PMS2: variants seen among roughly 807,000 people sequenced by gnomAD.
The protein encoded by PMS2 is mismatch repair endonuclease PMS2.
PMS2 carries 69 observed loss-of-function variants against 90.0 expected under a neutral mutation model. The observed-to-expected ratio is 0.77, with a 90% confidence interval of 0.63 to 0.94. The LOEUF is 0.94. PMS2 is among the 40% of genes least tolerant of loss of function. The pLI, the probability that PMS2 is intolerant of heterozygous loss-of-function variation, is 0.00. For missense variants in PMS2, 966 were observed against 1,040.2 expected, an observed-to-expected ratio of 0.93 and a Z score of 0.98; for synonymous variants, 332 against 375.1, an observed-to-expected ratio of 0.89 and a Z score of 1.33.
chr7:5,990,572 C>T (rs1783627364), intron 9 of PMS2, among the ~76,000 whole-genome samples: 1 of 152,204 alleles, frequency 6.6e-6, no homozygotes, highest in Non-Finnish European at 1.5e-5. Flanking sequence ...TAATCCCCTA[C>T]TGAATTTAGC....
intron 10 of PMS2, among the ~76,000 whole-genome samples, chr7:5,988,126 T>TA (rs1348344707): frequency 1.4e-5 from 2 of 144,520 alleles, no homozygotes; most frequent in Non-Finnish European, 3.0e-5. Flanking sequence ...ATGGTAAAAT[T>TA]AAAAAAACAA....
At chr7:5,977,788 T>C (rs905073674) in intron 13 of PMS2, 31 bp from the exon 14 acceptor site, 1 of 1,582,706 alleles carries the variant, frequency 6.3e-7, no homozygotes, top group Non-Finnish European at 8.7e-7. Flanking sequence ...GAAAAATCCA[T>C]GACTTGACAA....
chr7:5,996,979 C>T, intron 7 of PMS2, among the ~76,000 whole-genome samples: 1 of 152,058 alleles, frequency 6.6e-6, no homozygotes, highest in Non-Finnish European at 1.5e-5. Context: ...CTTTGGGACA[C>T]CAAGGTGGGC....
intron 8 of PMS2, among the ~76,000 whole-genome samples, chr7:5,994,165 G>A (rs1446511349): frequency 2.0e-5 from 3 of 151,708 alleles, no homozygotes; most frequent in South Asian, 2.1e-4. Flanking sequence ...GGCAGATCAC[G>A]AGGTCAGGAT....
chr7:5,999,325 G>C (rs1322632348), intron 5 of PMS2, 50 bp from the exon 6 acceptor site: 1 of 1,494,074 alleles, frequency 6.7e-7, no homozygotes, highest in Non-Finnish European at 9.3e-7. Context: ...AATATTATAG[G>C]AATTACACAG....
chr7:5,995,434 A>T (rs12534423), intron 8 of PMS2, 100 bp downstream of exon 8: 1 of 760,198 alleles, frequency 1.3e-6, no homozygotes, highest in East Asian at 2.6e-5. Context: ...ATGTTTCTCA[A>T]AGTCCCGAGC....
chr7:5,977,752 C>G lies in PMS2; in HGVS notation c.2281G>C (p.Val761Leu), dbSNP rs201914670. The stretch of plus-strand genomic sequence containing the variant: ...GAAATCAGTTTAGCCCTTTCAGTGA[C>G]TGGAGCTAAAAGAATACAATTTTGA... ...FDFVIDENAP[V>L]TERAKLISLP... The change falls in exon 14 of 15, where the codon GTC becomes CTC. Residue 761 changes from valine (V) to leucine (L), a missense_variant. Val to Leu is a conservative substitution (Grantham distance 32). This residue lies in a region of PMS2 where 95 missense variants were observed against 237.8 expected (regional missense o/e 0.40). Coordinates refer to ENST00000265849, the MANE Select transcript of PMS2 (RefSeq NM_000535.7). 1.6e-5 allele frequency: 25 copies of G among 1,605,366 alleles called. 1 individual carries two copies. Among genetic ancestry groups the G allele is most frequent in the Non-Finnish European group, 2.0e-5 (23 of 1,174,056 alleles).
intron 11 of PMS2, among the ~76,000 whole-genome samples, chr7:5,985,479 C>T (rs1363019122): frequency 1.3e-5 from 2 of 151,578 alleles, no homozygotes; most frequent in Non-Finnish European, 2.9e-5. Flanking sequence ...CTAAGAAATA[C>T]AGGAATGGAA....
intron 9 of PMS2, among the ~76,000 whole-genome samples, chr7:5,991,749 G>C (rs1405774006): frequency 5.3e-5 from 8 of 151,956 alleles, no homozygotes; most frequent in Non-Finnish European, 1.0e-4. Context: ...TGAGTCAGGA[G>C]AATCGCTTGA....
Position 6,008,994 on chromosome 7 carries a change from C to T in PMS2, c.23+3G>A. On this transcript the variant is annotated splice_donor_region_variant and intron_variant, in intron 1 of 14. Coordinates refer to ENST00000265849, the MANE Select transcript of PMS2 (RefSeq NM_000535.7). ...ACACCGGAAGACTGCGAGCCCCGCT[C>T]ACCTCGAGCTCTCAGCTCGCTCCAT... 1 of 1,612,690 alleles carries T rather than the reference C, an allele frequency of 6.2e-7. No homozygotes were observed. The highest frequency in any genetic ancestry group is 1.3e-5 in the African/African-American group (1 of 75,028).
In PMS2 at chr7:5,986,843, C is replaced by A. The variant is rs1554297114; in HGVS notation, c.1922G>T (p.Gly641Val). Residue 641 changes from glycine (G) to valine (V), a missense_variant, in exon 11 of 15, where the codon GGG becomes GTG. This residue lies in a region of PMS2 where 871 missense variants were observed against 802.4 expected (regional missense o/e 1.09). Transcript: ENST00000265849. ...QLHHEAQQSE[G>V]EQNYRKFRAK... ...CCTAAACTTCCTGTAATTCTGTTCCCCTTCACTTTGCTGTGCTTCATGATG... is the reference window on the plus strand; with the variant it reads ...CCTAAACTTCCTGTAATTCTGTTCCACTTCACTTTGCTGTGCTTCATGATG... 1 of 1,613,800 alleles carries A rather than the reference C, an allele frequency of 6.2e-7. No individual in the cohort carries two copies. The highest frequency in any genetic ancestry group is 1.7e-5 in the Admixed American group (1 of 59,970).
intron 12 of PMS2, among the ~76,000 whole-genome samples, chr7:5,981,373 T>A (rs1162140024): frequency 1.3e-5 from 2 of 149,934 alleles, no homozygotes; most frequent in East Asian, 4.0e-4. Flanking sequence ...GCCTCCCGAA[T>A]AGCTGGGACC....
intron 1 of PMS2, among the ~76,000 whole-genome samples, chr7:6,008,440 C>T (rs572950675): frequency 2.0e-5 from 3 of 152,106 alleles, no homozygotes; most frequent in Admixed American, 2.0e-4. Context: ...GCTCTACCGT[C>T]CCCAAAATAA....
At chr7:5,976,832 G>A (rs1781715928) in intron 14 of PMS2, among the ~76,000 whole-genome samples, 1 of 130,506 alleles carries the variant, frequency 7.7e-6, no homozygotes, top group Admixed American at 8.0e-5. Context: ...ACTTTGGGAG[G>A]CTGAGACAAG....
At chr7:5,993,913 T>G (rs1038777406) in intron 8 of PMS2, among the ~76,000 whole-genome samples, 20 of 144,488 alleles carry the variant, frequency 1.4e-4, no homozygotes, top group Non-Finnish European at 2.6e-4. Flanking sequence ...ATGTAATCAG[T>G]CTATACTGAA....
At chr7:6,000,656 T>A (rs1205076091) in intron 5 of PMS2, among the ~76,000 whole-genome samples, 1 of 152,164 alleles carries the variant, frequency 6.6e-6, no homozygotes, top group African/African-American at 2.4e-5. Context: ...GTAAGTTTTC[T>A]CTACTTTAGA....
chr7:5,992,332 T>A (rs183733526), intron 8 of PMS2, among the ~76,000 whole-genome samples: 1 of 151,440 alleles, frequency 6.6e-6, no homozygotes, highest in Non-Finnish European at 1.5e-5. Context: ...TTTTCTTTTT[T>A]TTTTTCAACG....
In PMS2 at chr7:5,986,976, T is replaced by C. The variant is rs1805318; in HGVS notation, c.1789A>G (p.Thr597Ala). 1.2e-6 allele frequency: 2 copies of C among 1,614,024 alleles called. No homozygotes were observed. Among genetic ancestry groups the C allele is most frequent in the African/African-American group, 2.7e-5 (2 of 74,946 alleles). Residue 597 changes from threonine (T) to alanine (A), a missense_variant, in exon 11 of 15, where the codon ACT becomes GCT. Around this residue, in one of 2 missense-constraint regions of PMS2, gnomAD observed 871 missense variants for 802.4 expected, o/e 1.09. Coordinates refer to ENST00000265849, the MANE Select transcript of PMS2 (RefSeq NM_000535.7). ...SSDICQKLVN[T>A]QDMSASQVDV... ...ACCTGAGAGGCTGACATGTCCTGAGTATTTACTAACTTTTGACAAATGTCA... is the reference window on the plus strand; with the variant it reads ...ACCTGAGAGGCTGACATGTCCTGAGCATTTACTAACTTTTGACAAATGTCA...
chr7:5,994,900 C>T (rs1020898361), intron 8 of PMS2, among the ~76,000 whole-genome samples: 2 of 152,258 alleles, frequency 1.3e-5, no homozygotes, highest in Non-Finnish European at 2.9e-5. Flanking sequence ...GCAAAATAAC[C>T]TATTTTATAA....
Sources: allele counts gnomAD v4.1 joint callset (sites outside exome capture counted in the v4.1 genomes callset), GRCh38; gene constraint gnomAD v4.1.1; regional missense constraint gnomAD v4.1.1; transcripts MANE v1.5; gene names NCBI Gene and HGNC (gene_info 2026-07-23, HGNC 2026-07-21).